SRGAP1: variants seen among roughly 807,000 people sequenced by gnomAD.
The protein encoded by SRGAP1 is SLIT-ROBO Rho GTPase-activating protein 1.
SRGAP1 carries 43 observed loss-of-function variants against 121.9 expected under a neutral mutation model. The observed-to-expected ratio is 0.35, with a 90% confidence interval of 0.28 to 0.46. The LOEUF is 0.46. SRGAP1 is among the 20% of genes least tolerant of loss of function. The probability of loss-of-function intolerance (pLI) is 1.00; values close to 1 mark genes in which losing one functional copy is unlikely to be tolerated. For synonymous variants in SRGAP1, 447 were observed against 485.4 expected (o/e 0.92, Z 1.04); for missense variants, 1,102 against 1,350.9 (o/e 0.82, Z 2.89).
chr12:64,010,438 T>C (rs771184216), intron 3 of SRGAP1, among the ~76,000 whole-genome samples: 3 of 152,116 alleles, frequency 2.0e-5, no homozygotes, highest in Non-Finnish European at 4.4e-5. Context: ...ATAGGGACCC[T>C]GGCCAGGGCC....
At chr12:64,072,185 A>G (rs2035654600) in intron 8 of SRGAP1, among the ~76,000 whole-genome samples, 1 of 142,606 alleles carries the variant, frequency 7.0e-6, no homozygotes, top group Non-Finnish European at 1.5e-5. Flanking sequence ...AATTTTTAGT[A>G]CATCTGAAAT....
At chr12:63,848,036 C>T (rs1026545449) in intron 1 of SRGAP1, among the ~76,000 whole-genome samples, 3 of 150,390 alleles carry the variant, frequency 2.0e-5, no homozygotes, top group Non-Finnish European at 2.9e-5. Context: ...AAAGGAGTAT[C>T]GGTCTGCTGC....
intron 6 of SRGAP1, among the ~76,000 whole-genome samples, chr12:64,051,253 T>G (rs2136518828): frequency 6.6e-6 from 1 of 152,350 alleles, no homozygotes; most frequent in Non-Finnish European, 1.5e-5. Flanking sequence ...CCACAACATC[T>G]ATTTAACCCA....
At chr12:63,959,526 T>C (rs2136377411) in intron 1 of SRGAP1, among the ~76,000 whole-genome samples, 1 of 152,336 alleles carries the variant, frequency 6.6e-6, no homozygotes. Flanking sequence ...CATAGTTATT[T>C]TGTGAGGATT....
intron 1 of SRGAP1, among the ~76,000 whole-genome samples, chr12:63,936,197 G>A (rs2136344610): frequency 6.6e-6 from 1 of 152,322 alleles, no homozygotes; most frequent in Admixed American, 6.5e-5. Flanking sequence ...CGAATCCAGA[G>A]GATTGGGCTT....
rs1052495538 is a variant in SRGAP1, at chr12:64,152,844, G to C, written c.*10172G>C. 2 of 149,984 alleles carry C rather than the reference G, an allele frequency of 1.3e-5. No homozygotes were observed. Among genetic ancestry groups the C allele is most frequent in the Middle Eastern group, 3.4e-3 (1 of 294 alleles). 9.3% of individuals were successfully genotyped at this position (149,984 alleles called of 1,614,324 possible). ...TTTTCATTAAATCAGGCTCCCTTCC[G>C]GGGATCTAGCTGTGAATGAGACACA... On this transcript the variant is annotated 3_prime_UTR_variant, in exon 22 of 22. Coordinates refer to ENST00000355086, the MANE Select transcript of SRGAP1 (RefSeq NM_020762.4).
intron 1 of SRGAP1, among the ~76,000 whole-genome samples, chr12:63,971,103 G>A (rs955756970): frequency 6.6e-6 from 1 of 152,012 alleles, no homozygotes; most frequent in African/African-American, 2.4e-5. Flanking sequence ...GTACCCTTTC[G>A]GAGCCCACCC....
At chr12:64,065,284 A>C in intron 8 of SRGAP1, 65 bp downstream of exon 8, 196 of 1,326,380 alleles carry the variant, frequency 1.5e-4, no homozygotes, top group Non-Finnish European at 1.9e-4. Context: ...AGACATTCTC[A>C]CATGACTTGG....
rs2035478014 is a variant in SRGAP1, at chr12:64,063,010, T to A, written c.895T>A (p.Leu299Ile). 4 of 1,613,956 alleles carry A rather than the reference T, an allele frequency of 2.5e-6. No individual in the cohort carries two copies. The African/African-American group carries it at 5.3e-5, about 22-fold the overall frequency. The change falls in exon 7 of 22, where the codon TTA (leucine) becomes ATA (isoleucine). Residue 299 changes from leucine to isoleucine, a missense_variant. Leu to Ile is a conservative substitution (Grantham distance 5, BLOSUM62 2). Transcript: ENST00000355086. ...YNLETSRHEGLDIIENAVDNL... is the reference protein window; with the variant it reads ...YNLETSRHEGIDIIENAVDNL... ...CCTTGAAACCTCCAGACATGAGGGCTTAGACATTATTGAGAATGCAGTTGA... is the reference window on the plus strand; with the variant it reads ...CCTTGAAACCTCCAGACATGAGGGCATAGACATTATTGAGAATGCAGTTGA...
intron 6 of SRGAP1, among the ~76,000 whole-genome samples, chr12:64,052,591 CT>C (rs2035258049): frequency 6.6e-6 from 1 of 151,510 alleles, no homozygotes; most frequent in Admixed American, 6.6e-5. Context: ...ATGTTTTGTA[CT>C]TTTCTGTAAG....
chr12:64,044,674 C>CTTTTTTTTTTTTTTTTTTTTTTTT lies in SRGAP1; in HGVS notation c.801+1101_801+1124dup, dbSNP rs558248193. Among the ~76,000 whole-genome samples, 40 of 72,116 alleles carry CTTTTTTTTTTTTTTTTTTTTTTTT rather than the reference C, an allele frequency of 5.5e-4. 5 individuals carry two copies. Among genetic ancestry groups the CTTTTTTTTTTTTTTTTTTTTTTTT allele is most frequent in the East Asian group, 1.4e-3 (4 of 2,884 alleles). 47.3% of individuals were successfully genotyped at this position (72,116 alleles called of 152,430 possible). On this transcript the variant is annotated intron_variant, in intron 6 of 21. Transcript: ENST00000355086. ...AGCTTATTAACACTCTGATGTGCCT[C>CTTTTTTTTTTTTTTTTTTTTTTTT]TTTTTTTTTTTTTTTTTTTTTTTTT...
At chr12:63,905,439 C>T (rs528891058) in intron 1 of SRGAP1, among the ~76,000 whole-genome samples, 70 of 152,260 alleles carry the variant, frequency 4.6e-4, no homozygotes, top group African/African-American at 1.6e-3. Context: ...ATCTGAACTG[C>T]AGTAAAGGAC....
chr12:64,127,708 G>A lies in SRGAP1; in HGVS notation c.2524G>A (p.Asp842Asn). The A allele has an allele frequency of 6.2e-7, 1 of 1,614,098 alleles. No individual in the cohort carries two copies. The highest frequency in any genetic ancestry group is 8.5e-7 in the Non-Finnish European group (1 of 1,179,994). The change falls in exon 20 of 22, where the codon GAC (aspartate) becomes AAC (asparagine). Residue 842 changes from aspartate (D) to asparagine (N), a missense_variant. Physicochemically the swap from Asp to Asn is conservative, Grantham distance 23. This residue lies in a region of SRGAP1 where 315 missense variants were observed against 343.1 expected (regional missense o/e 0.92). Coordinates refer to ENST00000355086, the MANE Select transcript of SRGAP1 (RefSeq NM_020762.4). ...GAACTCCCCGACAGACCGTCATCCT[G>A]ACGGCTATTTAGCCAGGTAAGTAGA... Reference protein sequence around the residue: ...DMNSPTDRHPDGYLARQRKRG... With the variant: ...DMNSPTDRHPNGYLARQRKRG...
At position 64,143,985 on chromosome 12, in the gene SRGAP1, C is replaced by T. The variant is rs1468962519; in HGVS notation, c.*1313C>T. On this transcript the variant is annotated 3_prime_UTR_variant, in exon 22 of 22. Coordinates refer to ENST00000355086, the MANE Select transcript of SRGAP1 (RefSeq NM_020762.4). Reference sequence around the variant, plus strand: ...CTTCTTTTTCTTTGTCCCTTTTCCCCTTTTTGGTTTTGGTTTTGTATGTGG... The same window carrying T: ...CTTCTTTTTCTTTGTCCCTTTTCCCTTTTTTGGTTTTGGTTTTGTATGTGG... 6.6e-6 allele frequency: 1 copy of T among 152,194 alleles called. No individual in the cohort carries two copies. The highest frequency in any genetic ancestry group is 2.4e-5 in the African/African-American group (1 of 41,424). The allele number at this position is 152,194 out of a possible 1,614,324, so 9.4% of individuals were successfully genotyped here.
At chr12:64,126,226 A>C in intron 19 of SRGAP1, 69 bp downstream of exon 19, 1 of 1,532,720 alleles carries the variant, frequency 6.5e-7, no homozygotes, top group Non-Finnish European at 8.9e-7. Flanking sequence ...TCTTAAACTG[A>C]CCTTGGTCTT....
In SRGAP1 at chr12:64,152,672, T is replaced by A. The variant is rs1187422615; in HGVS notation, c.*10000T>A. On this transcript the variant is annotated 3_prime_UTR_variant, in exon 22 of 22. Transcript: ENST00000355086. ...CTCCCTCCGCATATACTTCATGTCA[T>A]TCCTCAGCCTAAAATGTCCCCTACT... 1 of 152,180 alleles carries A rather than the reference T, an allele frequency of 6.6e-6. No individual in the cohort carries two copies. The highest frequency in any genetic ancestry group is 1.5e-5 in the Non-Finnish European group (1 of 68,034). The allele number at this position is 152,180 out of a possible 1,614,324, so 9.4% of individuals were successfully genotyped here. A position where few individuals can be genotyped will look rare whatever the true frequency, so the allele number is the denominator to read the frequency against.
At chr12:63,934,146 T>G (rs1212917587) in intron 1 of SRGAP1, among the ~76,000 whole-genome samples, 2 of 152,190 alleles carry the variant, frequency 1.3e-5, no homozygotes, top group Non-Finnish European at 2.9e-5. Flanking sequence ...AAGGAGACTC[T>G]TCCTACTTAT....
At chr12:64,064,587 C>T (rs1565664133) in intron 7 of SRGAP1, among the ~76,000 whole-genome samples, 1 of 151,970 alleles carries the variant, frequency 6.6e-6, no homozygotes, top group Non-Finnish European at 1.5e-5. Context: ...TTCATTCCCA[C>T]AGCAGCCCTG....
At chr12:63,952,244 G>A (rs1414832840) in intron 1 of SRGAP1, among the ~76,000 whole-genome samples, 3 of 152,202 alleles carry the variant, frequency 2.0e-5, no homozygotes, top group African/African-American at 7.2e-5. Flanking sequence ...TGGATGCAGT[G>A]GCTCATGCCT....
Sources: allele counts gnomAD v4.1 joint callset (sites outside exome capture counted in the v4.1 genomes callset), GRCh38; gene constraint gnomAD v4.1.1; regional missense constraint gnomAD v4.1.1; transcripts MANE v1.5; gene names NCBI Gene and HGNC (gene_info 2026-07-23, HGNC 2026-07-21).